Variants in ZNF778 observed in about 807,000 individuals in gnomAD.
ZNF778 encodes the protein zinc finger protein 778.
Under a neutral mutation model 23.9 loss-of-function variants are expected in ZNF778, and 37 were observed. That is an observed-to-expected ratio of 1.54 (90% confidence interval 1.19 to 2.03). The LOEUF is 2.03. Ranked by LOEUF, ZNF778 falls within the 30% of genes most tolerant of loss-of-function variation. The pLI, the probability that ZNF778 is intolerant of heterozygous loss-of-function variation, is 0.00. For missense variants in ZNF778, 1,297 were observed against 934.4 expected (o/e 1.39, Z -5.06); for synonymous variants, 483 against 343.9 (o/e 1.40, Z -4.48).
Position 89,217,821 on chromosome 16 carries a change from TCG to T in ZNF778, c.-217_-216del, listed in dbSNP as rs1262488703. 1.3e-5 allele frequency: 2 copies of T among 152,238 alleles called. No individual in the cohort carries two copies. Among genetic ancestry groups the T allele is most frequent in the Non-Finnish European group, 2.9e-5 (2 of 68,074 alleles). 9.4% of individuals were successfully genotyped at this position (152,238 alleles called of 1,614,324 possible). On this transcript the variant is annotated 5_prime_UTR_variant, in exon 1 of 7. Transcript: ENST00000433976. ...GGGAGTGGGCGCCCGCCCGCCTGCC[TCG>T]CGCCTTGCGCCCCCGGCACCGCTTC...
At chr16:89,221,621 G>T (rs1169373628) in intron 2 of ZNF778, among the ~76,000 whole-genome samples, 1 of 149,266 alleles carries the variant, frequency 6.7e-6, no homozygotes, top group Non-Finnish European at 1.5e-5. Context: ...GTATTTTCCT[G>T]AGGGACTATA....
chr16:89,234,140 T>A lies in ZNF778; in HGVS notation c.*5578T>A. On this transcript the variant is annotated 3_prime_UTR_variant, in exon 7 of 7. Transcript: ENST00000433976. ...CACTGTGAGTGATAAACTTTCCATG[T>A]CAGGAACCTGTGTGTGTCACTCACT... The A allele has an allele frequency of 4.4e-6, 2 of 453,044 alleles. No individual in the cohort carries two copies. Among genetic ancestry groups the A allele is most frequent in the Non-Finnish European group, 8.5e-6 (2 of 234,902 alleles). The allele number at this position is 453,044 out of a possible 1,614,324, so 28.1% of individuals were successfully genotyped here. A position where few individuals can be genotyped will look rare whatever the true frequency, so the allele number is the denominator to read the frequency against.
At position 89,233,947 on chromosome 16, in the gene ZNF778, C is replaced by T; in HGVS notation, c.*5385C>T. 7.8e-7 allele frequency: 1 copy of T among 1,283,870 alleles called. No homozygotes were observed. Among genetic ancestry groups the T allele is most frequent in the Non-Finnish European group, 1.0e-6 (1 of 983,778 alleles). The allele number at this position is 1,283,870 out of a possible 1,614,324, so 79.5% of individuals were successfully genotyped here. A position where few individuals can be genotyped will look rare whatever the true frequency, so the allele number is the denominator to read the frequency against. On this transcript the variant is annotated 3_prime_UTR_variant, in exon 7 of 7. Transcript: ENST00000433976. ...CAGGACATGCTGTATGCCCTTGGGC[C>T]TGCTGGAAGTATGCAGACTAGCCAG... is the stretch of plus-strand genomic sequence containing the variant.
chr16:89,222,098 A>C lies in ZNF778; in HGVS notation c.32A>C (p.His11Pro), dbSNP rs1352522096. The C allele has an allele frequency of 2.5e-6, 4 of 1,594,476 alleles. No individual in the cohort carries two copies. Among genetic ancestry groups the C allele is most frequent in the South Asian group, 1.1e-5 (1 of 89,228 alleles). The change falls in exon 3 of 7, where the codon CAT (histidine) becomes CCT (proline). Residue 11 changes from histidine (H) to proline (P), a missense_variant. His to Pro is a moderately conservative substitution (Grantham distance 77, BLOSUM62 -2). Coordinates refer to ENST00000433976, the MANE Select transcript of ZNF778 (RefSeq NM_001201407.2). ...TGCCTTCTTTGTTTTTTAGGAGGTCATGTTTCTAGGGACTCAGTCTGCCTT... is the reference window on the plus strand; with the variant it reads ...TGCCTTCTTTGTTTTTTAGGAGGTCCTGTTTCTAGGGACTCAGTCTGCCTT... Reference protein sequence around the residue: MAAPDLAHGGHVSRDSVCLHE... With the variant: MAAPDLAHGGPVSRDSVCLHE...
In ZNF778 at chr16:89,227,189, C is replaced by T. The variant is rs1231946746; in HGVS notation, c.901C>T (p.Gln301Ter). Residue 301 changes from glutamine to a stop codon, truncating the protein, a stop_gained, in exon 7 of 7, where the codon CAA becomes TAA. Coordinates refer to ENST00000433976, the MANE Select transcript of ZNF778 (RefSeq NM_001201407.2). LOFTEE classifies it low-confidence loss of function (END_TRUNC). ...CACTGCCTACCTTACTGGTCGCGTG[C>T]AAGTCCACCCTGGGGAAAAGCCCTG... ...RYTAYLTGRV[Q>*]VHPGEKPCEL... 1 of 1,613,852 alleles carries T rather than the reference C, an allele frequency of 6.2e-7. No homozygotes were observed. The highest frequency in any genetic ancestry group is 1.1e-5 in the South Asian group (1 of 91,088).
At position 89,222,154 on chromosome 16, in the gene ZNF778, G is replaced by A; in HGVS notation, c.88G>A (p.Val30Met). 6.2e-7 allele frequency: 1 copy of A among 1,605,738 alleles called. No individual in the cohort carries two copies. Among genetic ancestry groups the A allele is most frequent in the Middle Eastern group, 1.7e-4 (1 of 6,034 alleles). Residue 30 changes from valine to methionine, a missense_variant, in exon 3 of 7, where the codon GTG becomes ATG. By Grantham distance (21) the Val-to-Met change is conservative. Coordinates refer to ENST00000433976, the MANE Select transcript of ZNF778 (RefSeq NM_001201407.2). ...AGAACAGACACAGGCAGCAGGGATG[G>A]TGGCTGGCTGGCTGATAAATTGTTA... ...HEEQTQAAGMVAGWLINCYQD... is the reference protein window; with the variant it reads ...HEEQTQAAGMMAGWLINCYQD...
rs1265418837 is a variant in ZNF778 at position 89,232,911 on chromosome 16, C to G, written c.*4349C>G. On this transcript the variant is annotated 3_prime_UTR_variant, in exon 7 of 7. Coordinates refer to ENST00000433976, the MANE Select transcript of ZNF778 (RefSeq NM_001201407.2). ...AACTCGCACTGCGTATGCAACTCAA[C>G]TCGCACTGCGTATGCGAATCCACTC... The G allele has an allele frequency of 1.3e-5, 17 of 1,282,442 alleles. No homozygotes were observed. Among genetic ancestry groups the G allele is most frequent in the Non-Finnish European group, 1.6e-5 (16 of 986,426 alleles). 79.4% of individuals were successfully genotyped at this position (1,282,442 alleles called of 1,614,324 possible). A position where few individuals can be genotyped will look rare whatever the true frequency, so the allele number is the denominator to read the frequency against.
At chr16:89,221,753 G>T (rs150038446) in intron 2 of ZNF778, among the ~76,000 whole-genome samples, 18 of 147,582 alleles carry the variant, frequency 1.2e-4, no homozygotes, top group African/African-American at 4.3e-4. Flanking sequence ...GTGTGCAAGA[G>T]TACATGGGAA....
Position 89,226,919 on chromosome 16 carries a change from C to G in ZNF778, c.631C>G (p.Pro211Ala). 1 of 1,613,952 alleles carries G rather than the reference C, an allele frequency of 6.2e-7. No individual in the cohort carries two copies. Among genetic ancestry groups the G allele is most frequent in the East Asian group, 2.2e-5 (1 of 44,874 alleles). Residue 211 changes from proline (P) to alanine (A), a missense_variant, in exon 7 of 7, where the codon CCA becomes GCA. Physicochemically the swap from Pro to Ala is conservative, Grantham distance 27. Coordinates refer to ENST00000433976, the MANE Select transcript of ZNF778 (RefSeq NM_001201407.2). ...GTGTGGAAAAGCCTTCAGCTCTACTCCAAATGTTGTTTCCCAGCAAGCATG... is the reference window on the plus strand; with the variant it reads ...GTGTGGAAAAGCCTTCAGCTCTACTGCAAATGTTGTTTCCCAGCAAGCATG... ...GQCGKAFSST[P>A]NVVSQQACTR...
Position 89,228,110 on chromosome 16 carries a change from A to G in ZNF778, c.1822A>G (p.Ile608Val), listed in dbSNP as rs1364649864. The G allele has an allele frequency of 7.4e-6, 12 of 1,612,550 alleles. No individual in the cohort carries two copies. The highest frequency in any genetic ancestry group is 1.1e-5 in the South Asian group (1 of 91,002). Reference sequence around the variant, plus strand: ...TGTTTCTTCGAGCCTAACCGAGCACATACGAACTCACACTGGAGAGAAACC... The same window carrying G: ...TGTTTCTTCGAGCCTAACCGAGCACGTACGAACTCACACTGGAGAGAAACC... ...FTVSSSLTEH[I>V]RTHTGEKPYE... Residue 608 changes from isoleucine to valine, a missense_variant, in exon 7 of 7, where the codon ATA (isoleucine) becomes GTA (valine). Coordinates refer to ENST00000433976, the MANE Select transcript of ZNF778 (RefSeq NM_001201407.2).
rs760234907 is a variant in ZNF778, at chr16:89,235,452, C to T, written c.*6890C>T. On this transcript the variant is annotated 3_prime_UTR_variant, in exon 7 of 7. Transcript: ENST00000433976. ...ACTCTGTAGGTGGACGAGCCTCGCCCGAGAAGAGACATGAGCAGTTCTGCG... is the reference window on the plus strand; with the variant it reads ...ACTCTGTAGGTGGACGAGCCTCGCCTGAGAAGAGACATGAGCAGTTCTGCG... 4.6e-5 allele frequency: 7 copies of T among 152,086 alleles called. No homozygotes were observed. Among genetic ancestry groups the T allele is most frequent in the East Asian group, 1.9e-4 (1 of 5,196 alleles). The allele number at this position is 152,086 out of a possible 1,614,324, so 9.4% of individuals were successfully genotyped here.
Position 89,232,588 on chromosome 16 carries a change from C to T in ZNF778, c.*4026C>T. 8.4e-7 allele frequency: 1 copy of T among 1,183,510 alleles called. No individual in the cohort carries two copies. Among genetic ancestry groups the T allele is most frequent in the Non-Finnish European group, 1.1e-6 (1 of 936,870 alleles). The allele number at this position is 1,183,510 out of a possible 1,614,324, so 73.3% of individuals were successfully genotyped here. On this transcript the variant is annotated 3_prime_UTR_variant, in exon 7 of 7. Transcript: ENST00000433976. ...GTGTGAAAATCTCCACTCCCAATGTCTGAGGGTTCCTCAGAGTAAGATAAA... is the reference window on the plus strand; with the variant it reads ...GTGTGAAAATCTCCACTCCCAATGTTTGAGGGTTCCTCAGAGTAAGATAAA...
At position 89,227,144 on chromosome 16, in the gene ZNF778, T is replaced by C; in HGVS notation, c.856T>C (p.Cys286Arg). ...CAGGAATCCCCACGTATGTAGGGAA[T>C]GTGGGAAGGCCTTTAGGTACACTGC... ...AVRNPHVCRE[C>R]GKAFRYTAYL... Residue 286 changes from cysteine (C) to arginine (R), a missense_variant, in exon 7 of 7, where the codon TGT becomes CGT. Cys to Arg is a radical substitution (Grantham distance 180). Transcript: ENST00000433976. 1.2e-6 allele frequency: 2 copies of C among 1,614,046 alleles called. No homozygotes were observed. Among genetic ancestry groups the C allele is most frequent in the Non-Finnish European group, 1.7e-6 (2 of 1,179,896 alleles).
chr16:89,233,920 A>G lies in ZNF778; in HGVS notation c.*5358A>G, dbSNP rs758057306. On this transcript the variant is annotated 3_prime_UTR_variant, in exon 7 of 7. Coordinates refer to ENST00000433976, the MANE Select transcript of ZNF778 (RefSeq NM_001201407.2). ...GTCAGCCCAGGATGAGGCACTAGACAGCAGGACATGCTGTATGCCCTTGGG... is the reference window on the plus strand; with the variant it reads ...GTCAGCCCAGGATGAGGCACTAGACGGCAGGACATGCTGTATGCCCTTGGG... 1.7e-4 allele frequency: 217 copies of G among 1,289,144 alleles called. No individual in the cohort carries two copies. The Middle Eastern group carries it at 5.1e-3, about 30-fold the overall frequency. The allele number at this position is 1,289,144 out of a possible 1,614,324, so 79.9% of individuals were successfully genotyped here. A position where few individuals can be genotyped will look rare whatever the true frequency, so the allele number is the denominator to read the frequency against.
rs1422741228 is a variant in ZNF778 at position 89,232,384 on chromosome 16, C to T, written c.*3822C>T. 2 of 296,292 alleles carry T rather than the reference C, an allele frequency of 6.8e-6. No individual in the cohort carries two copies. The highest frequency in any genetic ancestry group is 5.0e-5 in the Admixed American group (1 of 20,200). 18.4% of individuals were successfully genotyped at this position (296,292 alleles called of 1,614,324 possible). A position where few individuals can be genotyped will look rare whatever the true frequency, so the allele number is the denominator to read the frequency against. ...CTGCTGAACCATGAGCCAAATAAGC[C>T]TCTTTCTAAGTTACCCACAGCCTCA... On this transcript the variant is annotated 3_prime_UTR_variant, in exon 7 of 7. Transcript: ENST00000433976.
chr16:89,223,471 C>G (rs998895957), intron 4 of ZNF778, among the ~76,000 whole-genome samples, 188 bp downstream of exon 4: 1 of 152,194 alleles, frequency 6.6e-6, no homozygotes, highest in Non-Finnish European at 1.5e-5. Flanking sequence ...GCATCACCGT[C>G]ACTCCTCTAG....
In ZNF778 at chr16:89,230,663, C is replaced by G. The variant is rs1213218411; in HGVS notation, c.*2101C>G. On this transcript the variant is annotated 3_prime_UTR_variant, in exon 7 of 7. Coordinates refer to ENST00000433976, the MANE Select transcript of ZNF778 (RefSeq NM_001201407.2). ...AAACACACACAGTGGCAGAGCAAGA[C>G]TTCATGTGAGTGACACGAATGTGTG... 6.6e-6 allele frequency: 1 copy of G among 152,212 alleles called. No homozygotes were observed. Among genetic ancestry groups the G allele is most frequent in the African/African-American group, 2.4e-5 (1 of 41,442 alleles). 9.4% of individuals were successfully genotyped at this position (152,212 alleles called of 1,614,324 possible).
At position 89,224,786 on chromosome 16, in the gene ZNF778, G is replaced by A; in HGVS notation, c.312G>A (p.Arg104=). The A allele has an allele frequency of 6.8e-7, 1 of 1,481,234 alleles. No homozygotes were observed. Among genetic ancestry groups the A allele is most frequent in the Non-Finnish European group, 8.9e-7 (1 of 1,120,392 alleles). 91.8% of individuals were successfully genotyped at this position (1,481,234 alleles called of 1,614,324 possible). The change falls in exon 5 of 7, where the codon CGG becomes CGA. Residue 104 remains arginine (R), a synonymous_variant. Transcript: ENST00000433976. Reference sequence around the variant, plus strand: ...AGGAAGAGGAGTTGAGGGCAGGGCGGAGAGCAGTTCTCCAAGGTAAGTGTG... The same window carrying A: ...AGGAAGAGGAGTTGAGGGCAGGGCGAAGAGCAGTTCTCCAAGGTAAGTGTG... ...LEQEEELRAG[R]RAVLQEWRLK... is the part of the protein sequence containing the mutation.
chr16:89,228,077 ACATT>A lies in ZNF778; in HGVS notation c.1792_1795del (p.Phe598LeufsTer6). Reference sequence around the variant, plus strand: ...TTATGAATGTAAGGACTGTGGGAAAACATTCACTGTTTCTTCGAGCCTAACCGAG... The same window carrying A: ...TTATGAATGTAAGGACTGTGGGAAAACACTGTTTCTTCGAGCCTAACCGAG... On this transcript the variant is annotated frameshift_variant, in exon 7 of 7. Coordinates refer to ENST00000433976, the MANE Select transcript of ZNF778 (RefSeq NM_001201407.2). LOFTEE classifies it low-confidence loss of function (END_TRUNC). The A allele has an allele frequency of 1.2e-6, 2 of 1,612,802 alleles. No homozygotes were observed. Among genetic ancestry groups the A allele is most frequent in the Non-Finnish European group, 1.7e-6 (2 of 1,179,146 alleles).
Sources: allele counts gnomAD v4.1 joint callset (sites outside exome capture counted in the v4.1 genomes callset), GRCh38; gene constraint gnomAD v4.1.1; transcripts MANE v1.5; gene names NCBI Gene and HGNC (gene_info 2026-07-23, HGNC 2026-07-21).